PPARA: variants seen among roughly 807,000 people sequenced by gnomAD.
The protein encoded by PPARA is peroxisome proliferator activated receptor alpha, also known as peroxisome proliferator-activated receptor alpha.
In PPARA, 22 loss-of-function variants were observed where a neutral mutation model predicts 42.2. That is an observed-to-expected ratio of 0.52 (90% CI 0.37 to 0.74). The LOEUF is 0.74. Ranked by LOEUF, PPARA falls within the 30% of genes least tolerant of loss-of-function variation. PPARA has a pLI of 0.00. For missense variants in PPARA, 465 were observed against 608.2 expected (o/e 0.76, Z 2.48); for synonymous variants, 242 against 239.3 (o/e 1.01, Z -0.10).
Position 46,225,832 on chromosome 22 carries a change from T to C in PPARA, c.711+5818T>C, listed in dbSNP as rs1410507671. ...ACCCACACATGCACACAGACGCACCTCCACCCCCACACACGCACACACACA... is the reference window on the plus strand; with the variant it reads ...ACCCACACATGCACACAGACGCACCCCCACCCCCACACACGCACACACACA... On this transcript the variant is annotated intron_variant, in intron 7 of 8. Transcript: ENST00000407236. This position sits in a 1 kb window ranked among gnomAD's most constrained non-coding sequence, Gnocchi z 4.1. Among the ~76,000 whole-genome samples the C allele has an allele frequency of 6.8e-6, 1 of 146,164 alleles. No individual in the cohort carries two copies. Among genetic ancestry groups the C allele is most frequent in the Non-Finnish European group, 1.5e-5 (1 of 66,812 alleles).
rs1332033963 is a variant in PPARA at position 46,191,973 on chromosome 22, G to T, written c.-42-6369G>T. ...CCAGCTACTCAGGAGGCTGAGGCAG[G>T]AGAATCACTTGAACCCGTGAAACGG... On this transcript the variant is annotated intron_variant, in intron 3 of 8. Transcript: ENST00000407236. The surrounding 1 kb of genome is among the most constrained non-coding windows in gnomAD (Gnocchi z 4.6). Among the ~76,000 whole-genome samples the T allele has an allele frequency of 6.6e-6, 1 of 152,220 alleles. No homozygotes were observed. Among genetic ancestry groups the T allele is most frequent in the East Asian group, 1.9e-4 (1 of 5,196 alleles).
At chr22:46,166,632 C>CAAAAAAAAAAAAAAAAAAAA (rs59559780) in intron 2 of PPARA, among the ~76,000 whole-genome samples, 1 of 143,574 alleles carries the variant, frequency 7.0e-6, no homozygotes, top group African/African-American at 2.7e-5. Flanking sequence ...AAAAAAAAAA[C>CAAAAAAAAAAAAAAAAAAAA]AAAAAACAGT....
At chr22:46,199,848 T>G (rs1237711168) in intron 4 of PPARA, among the ~76,000 whole-genome samples, 5 of 151,962 alleles carry the variant, frequency 3.3e-5, no homozygotes, top group East Asian at 1.9e-4. Context: ...TCAGCCTCCC[T>G]AGTAGCTAGG....
intron 7 of PPARA, chr22:46,220,414 A>C (rs1934907047): frequency 3.3e-6 from 1 of 301,016 alleles, no homozygotes; most frequent in Non-Finnish European, 6.4e-6. Flanking sequence ...TCCTGGGCTC[A>C]AGCAATCCTC....
In PPARA at chr22:46,211,301, T is replaced by C. The variant is rs1933905635; in HGVS notation, c.209-3872T>C. Among the ~76,000 whole-genome samples the C allele has an allele frequency of 6.6e-6, 1 of 152,168 alleles. No individual in the cohort carries two copies. The highest frequency in any genetic ancestry group is 1.5e-5 in the Non-Finnish European group (1 of 68,034). ...TGCCTACCTGTCAATTCACCATTCCTTGAGTTCATGGTTCATTTTCAGTAT... is the reference window on the plus strand; with the variant it reads ...TGCCTACCTGTCAATTCACCATTCCCTGAGTTCATGGTTCATTTTCAGTAT... On this transcript the variant is annotated intron_variant, in intron 4 of 8. Coordinates refer to ENST00000407236, the MANE Select transcript of PPARA (RefSeq NM_005036.6). This position sits in a 1 kb window ranked among gnomAD's most constrained non-coding sequence, Gnocchi z 4.1.
chr22:46,207,755 C>T (rs1933533991), intron 4 of PPARA, among the ~76,000 whole-genome samples: 1 of 137,558 alleles, frequency 7.3e-6, no homozygotes. Flanking sequence ...GCCATCGTAG[C>T]TCACTGCAGT....
rs1446044235 is a variant in PPARA, at chr22:46,160,975, A to G, written c.-127+9005A>G. Among the ~76,000 whole-genome samples, 1 of 152,230 alleles carries G rather than the reference A, an allele frequency of 6.6e-6. No individual in the cohort carries two copies. The highest frequency in any genetic ancestry group is 1.5e-5 in the Non-Finnish European group (1 of 68,038). On this transcript the variant is annotated intron_variant, in intron 2 of 8. Coordinates refer to ENST00000407236, the MANE Select transcript of PPARA (RefSeq NM_005036.6). The surrounding 1 kb of genome is among the most constrained non-coding windows in gnomAD (Gnocchi z 4.5). ...GCATTCCCTTTACTTAGATGAATCTAGCAAGGTTGGCTGTTAGTGTCTAGG... is the reference window on the plus strand; with the variant it reads ...GCATTCCCTTTACTTAGATGAATCTGGCAAGGTTGGCTGTTAGTGTCTAGG...
Position 46,165,659 on chromosome 22 carries a change from G to A in PPARA, c.-126-11094G>A, listed in dbSNP as rs1298011016. ...GTACAGGTGACCTGGAAACGGATCA[G>A]CGTAATCGAGGACTGAAGTCCAGTT... On this transcript the variant is annotated intron_variant, in intron 2 of 8. Transcript: ENST00000407236. The surrounding 1 kb of genome is among the most constrained non-coding windows in gnomAD (Gnocchi z 5.5). Among the ~76,000 whole-genome samples, 1 of 152,226 alleles carries A rather than the reference G, an allele frequency of 6.6e-6. No individual in the cohort carries two copies. The highest frequency in any genetic ancestry group is 2.4e-5 in the African/African-American group (1 of 41,444).
Position 46,242,702 on chromosome 22 carries a change from T to C in PPARA, c.*7322T>C, listed in dbSNP as rs1275170744. On this transcript the variant is annotated 3_prime_UTR_variant, in exon 9 of 9. Transcript: ENST00000407236. This position sits in a 1 kb window ranked among gnomAD's most constrained non-coding sequence, Gnocchi z 6.1. ...ACACAAAGGAAGCTGAAATCAAACA[T>C]CTAAAATACACTGCGTACACGTGTG... The C allele has an allele frequency of 6.6e-6, 1 of 151,460 alleles. No individual in the cohort carries two copies. The highest frequency in any genetic ancestry group is 1.5e-5 in the Non-Finnish European group (1 of 67,996). The allele number at this position is 151,460 out of a possible 1,614,324, so 9.4% of individuals were successfully genotyped here.
intron 2 of PPARA, among the ~76,000 whole-genome samples, chr22:46,174,971 G>C (rs1258877554): frequency 2.0e-5 from 3 of 151,592 alleles, no homozygotes; most frequent in African/African-American, 7.3e-5. Flanking sequence ...GAGTGTACTG[G>C]TGCAATCTCA....
In PPARA at chr22:46,198,401, C is replaced by T. The variant is rs201175631; in HGVS notation, c.18C>T (p.Ser6=). 3 of 1,613,872 alleles carry T rather than the reference C, an allele frequency of 1.9e-6. No individual in the cohort carries two copies. The highest frequency in any genetic ancestry group is 1.3e-5 in the African/African-American group (1 of 75,010). Residue 6 remains serine (S), a synonymous_variant, in exon 4 of 9, where the codon AGC becomes AGT. Transcript: ENST00000407236. Reference sequence around the variant, plus strand: ...TGGTCGCGATGGTGGACACGGAAAGCCCACTCTGCCCCCTCTCCCCACTCG... The same window carrying T: ...TGGTCGCGATGGTGGACACGGAAAGTCCACTCTGCCCCCTCTCCCCACTCG... MVDTE[S]PLCPLSPLEA... is the part of the protein sequence containing the mutation.
At position 46,236,649 on chromosome 22, in the gene PPARA, G is replaced by A. The variant is rs1396813399; in HGVS notation, c.*1269G>A. On this transcript the variant is annotated 3_prime_UTR_variant, in exon 9 of 9. Transcript: ENST00000407236. This position sits in a 1 kb window ranked among gnomAD's most constrained non-coding sequence, Gnocchi z 5.2. Reference sequence around the variant, plus strand: ...GCTTTTAAAGATATGATGTTTTATTGTTTTAACTCTTGGTGACAGTAGATG... The same window carrying A: ...GCTTTTAAAGATATGATGTTTTATTATTTTAACTCTTGGTGACAGTAGATG... 6.6e-6 allele frequency: 1 copy of A among 152,646 alleles called. No individual in the cohort carries two copies. Among genetic ancestry groups the A allele is most frequent in the Non-Finnish European group, 1.5e-5 (1 of 68,046 alleles). 9.5% of individuals were successfully genotyped at this position (152,646 alleles called of 1,614,324 possible). A position where few individuals can be genotyped will look rare whatever the true frequency, so the allele number is the denominator to read the frequency against.
intron 3 of PPARA, among the ~76,000 whole-genome samples, chr22:46,185,915 AAATATATATATATATATATAT>A (rs1422989619): frequency 8.5e-5 from 4 of 47,142 alleles, no homozygotes; most frequent in African/African-American, 2.2e-4. Context: ...AAAAAAAAAA[AAATATATATATATATATATAT>A]ATATATATAT....
chr22:46,154,471 A>G lies in PPARA; in HGVS notation c.-127+2501A>G, dbSNP rs780043555. Among the ~76,000 whole-genome samples, 48 of 152,014 alleles carry G rather than the reference A, an allele frequency of 3.2e-4. 1 individual carries two copies. Among genetic ancestry groups the G allele is most frequent in the Non-Finnish European group, 4.4e-4 (30 of 67,992 alleles). ...TGCATCTACTAAAAATACAAAAATTAGCCAGGTATAGTGGCGTGTGCCTGT... is the reference window on the plus strand; with the variant it reads ...TGCATCTACTAAAAATACAAAAATTGGCCAGGTATAGTGGCGTGTGCCTGT... On this transcript the variant is annotated intron_variant, in intron 2 of 8. Coordinates refer to ENST00000407236, the MANE Select transcript of PPARA (RefSeq NM_005036.6).
rs6008123 is a variant in PPARA, at chr22:46,211,712, G to A, written c.209-3461G>A. 0.036 allele frequency among the ~76,000 whole-genome samples: 5,543 copies of A among 152,062 alleles called. 300 individuals carry two copies. The highest frequency in any genetic ancestry group is 0.12 in the African/African-American group (4,787 of 41,460). On this transcript the variant is annotated intron_variant, in intron 4 of 8. Transcript: ENST00000407236. The surrounding 1 kb of genome is among the most constrained non-coding windows in gnomAD (Gnocchi z 4.1). Reference sequence around the variant, plus strand: ...CTCTTTCTTGCTTTCTCGCCTTCTTGTCTTGCTCTGTCACCCAGGCTGGAG... The same window carrying A: ...CTCTTTCTTGCTTTCTCGCCTTCTTATCTTGCTCTGTCACCCAGGCTGGAG...
chr22:46,198,661 T>G, intron 4 of PPARA, 70 bp downstream of exon 4: 1 of 999,800 alleles, frequency 1.0e-6, no homozygotes. Flanking sequence ...GTTCTCTCTT[T>G]TTTTTTTTTT....
In PPARA at chr22:46,211,468, T is replaced by C. The variant is rs1203708702; in HGVS notation, c.209-3705T>C. 6.6e-6 allele frequency among the ~76,000 whole-genome samples: 1 copy of C among 152,232 alleles called. No individual in the cohort carries two copies. The highest frequency in any genetic ancestry group is 2.4e-5 in the African/African-American group (1 of 41,472). On this transcript the variant is annotated intron_variant, in intron 4 of 8. Coordinates refer to ENST00000407236, the MANE Select transcript of PPARA (RefSeq NM_005036.6). This position sits in a 1 kb window ranked among gnomAD's most constrained non-coding sequence, Gnocchi z 4.1. The stretch of plus-strand genomic sequence containing the variant: ...ATTCCAAATTATTCGGTGCAGCGCC[T>C]TTCCGCACCTGCACCCACTTTTTCC...
chr22:46,233,201 C>T lies in PPARA; in HGVS notation c.1159+962C>T, dbSNP rs966363665. On this transcript the variant is annotated intron_variant, in intron 8 of 8. Transcript: ENST00000407236. This position sits in a 1 kb window ranked among gnomAD's most constrained non-coding sequence, Gnocchi z 7.3. ...GGTTATGTTGATGAAAAGTATATTT[C>T]CTAATGCAAAATATAATATCAGTCA... Among the ~76,000 whole-genome samples the T allele has an allele frequency of 2.6e-5, 4 of 151,970 alleles. No individual in the cohort carries two copies. Among genetic ancestry groups the T allele is most frequent in the African/African-American group, 9.7e-5 (4 of 41,358 alleles).
At position 46,212,171 on chromosome 22, in the gene PPARA, C is replaced by G. The variant is rs1934000380; in HGVS notation, c.209-3002C>G. Reference sequence around the variant, plus strand: ...CCCAGGGCTCAGGTGATCCTCCCACCTCAGCCTCCCAAGTAGCTGGGATTA... The same window carrying G: ...CCCAGGGCTCAGGTGATCCTCCCACGTCAGCCTCCCAAGTAGCTGGGATTA... On this transcript the variant is annotated intron_variant, in intron 4 of 8. Coordinates refer to ENST00000407236, the MANE Select transcript of PPARA (RefSeq NM_005036.6). The surrounding 1 kb of genome is among the most constrained non-coding windows in gnomAD (Gnocchi z 4.2). Among the ~76,000 whole-genome samples, 1 of 152,140 alleles carries G rather than the reference C, an allele frequency of 6.6e-6. No homozygotes were observed. Among genetic ancestry groups the G allele is most frequent in the Non-Finnish European group, 1.5e-5 (1 of 68,042 alleles).
Sources: allele counts gnomAD v4.1 joint callset (sites outside exome capture counted in the v4.1 genomes callset), GRCh38; gene constraint gnomAD v4.1.1; non-coding constraint Gnocchi (gnomAD v3.1); transcripts MANE v1.5; gene names NCBI Gene and HGNC (gene_info 2026-07-23, HGNC 2026-07-21).